KCNQ5: variants seen among roughly 807,000 people sequenced by gnomAD.
KCNQ5 encodes the protein potassium voltage-gated channel subfamily KQT member 5.
KCNQ5 carries 30 observed loss-of-function variants against 98.2 expected under a neutral mutation model. The ratio of observed to expected loss-of-function variants is 0.31; its 90% CI spans 0.23 to 0.41. The LOEUF is 0.41. Among genes scored for constraint, KCNQ5 ranks in the 10% least tolerant of loss-of-function variants. KCNQ5 has a pLI of 1.00. For synonymous variants in KCNQ5, 458 were observed against 449.4 expected (o/e 1.02, Z -0.24); for missense variants, 835 against 1,182.5 (o/e 0.71, Z 4.31).
intron 5 of KCNQ5, among the ~76,000 whole-genome samples, chr6:73,084,806 G>C (rs1187370507): frequency 6.6e-6 from 1 of 152,078 alleles, no homozygotes; most frequent in Non-Finnish European, 1.5e-5. Context: ...CCCTTTCTCC[G>C]ACCCTGAACC....
chr6:72,705,145 A>G (rs557422743), intron 1 of KCNQ5, among the ~76,000 whole-genome samples: 2 of 152,092 alleles, frequency 1.3e-5, no homozygotes, highest in Non-Finnish European at 2.9e-5. Context: ...CCCCTTAACC[A>G]CATAGGGAGG....
intron 3 of KCNQ5, among the ~76,000 whole-genome samples, chr6:73,053,283 C>T (rs1772325775): frequency 6.6e-6 from 1 of 152,156 alleles, no homozygotes; most frequent in Non-Finnish European, 1.5e-5. Flanking sequence ...ATTTAGATAA[C>T]CACACAATAA....
chr6:72,829,728 A>G (rs975470082), intron 1 of KCNQ5, among the ~76,000 whole-genome samples: 1 of 152,178 alleles, frequency 6.6e-6, no homozygotes, highest in African/African-American at 2.4e-5. Flanking sequence ...AATAACATTC[A>G]GGGAGGAGGT....
At chr6:72,827,813 T>C (rs1227698459) in intron 1 of KCNQ5, among the ~76,000 whole-genome samples, 2 of 152,138 alleles carry the variant, frequency 1.3e-5, no homozygotes, top group Non-Finnish European at 2.9e-5. Flanking sequence ...CAGTCCAATG[T>C]CCTGAACTGT....
intron 1 of KCNQ5, among the ~76,000 whole-genome samples, chr6:72,814,275 A>G (rs921082829): frequency 2.6e-5 from 4 of 152,296 alleles, no homozygotes; most frequent in East Asian, 1.9e-4. Context: ...CCGCAGTGCA[A>G]TGTAATGGCT....
In KCNQ5 at chr6:73,129,815, A is replaced by C. The variant is rs1776150557; in HGVS notation, c.1248-3606A>C. The C allele has an allele frequency of 2.5e-6, 4 of 1,613,170 alleles. No individual in the cohort carries two copies. In the Admixed American group the frequency reaches 5.0e-5, roughly 20 times the overall value. ...TAGTAAGTTCTGTAGTAATAAGCAG[A>C]AGCTCTTCAGAATGTACACCTCACG... On this transcript the variant is annotated intron_variant, in intron 9 of 13. Transcript: ENST00000370398.
intron 5 of KCNQ5, among the ~76,000 whole-genome samples, chr6:73,100,737 A>G (rs973638732): frequency 2.6e-5 from 4 of 152,116 alleles, no homozygotes; most frequent in Admixed American, 6.5e-5. Context: ...AAAAATGACA[A>G]ACTTAGCCAG....
chr6:72,758,365 T>C (rs1489563504), intron 1 of KCNQ5, among the ~76,000 whole-genome samples: 1 of 152,182 alleles, frequency 6.6e-6, no homozygotes, highest in Non-Finnish European at 1.5e-5. Context: ...GTTAGAACTA[T>C]TTTTTCTATT....
intron 1 of KCNQ5, among the ~76,000 whole-genome samples, chr6:72,935,332 A>G (rs1223692847): frequency 6.6e-6 from 1 of 151,972 alleles, no homozygotes; most frequent in African/African-American, 2.4e-5. Context: ...CAGCCTCCCA[A>G]AGTGCTGGGA....
chr6:72,920,912 AAAAT>A (rs1780364517), intron 1 of KCNQ5, among the ~76,000 whole-genome samples: 1 of 152,184 alleles, frequency 6.6e-6, no homozygotes, highest in Non-Finnish European at 1.5e-5. Context: ...ATTGGGAACA[AAAAT>A]TACCTTAAAT....
In KCNQ5 at chr6:72,658,588, T is replaced by A. The variant is rs1376112232; in HGVS notation, c.398+36001T>A. Among the ~76,000 whole-genome samples, 12 of 121,202 alleles carry A rather than the reference T, an allele frequency of 9.9e-5. No individual in the cohort carries two copies. The South Asian group carries it at 1.1e-3, about 11-fold the overall frequency. 79.5% of individuals were successfully genotyped at this position (121,202 alleles called of 152,430 possible). A position where few individuals can be genotyped will look rare whatever the true frequency, so the allele number is the denominator to read the frequency against. The stretch of plus-strand genomic sequence containing the variant: ...TATATATATATATATATTTTTTTTT[T>A]TTTTTTTTTTGAGACAGGGTCTTGC... On this transcript the variant is annotated intron_variant, in intron 1 of 13. Coordinates refer to ENST00000370398, the MANE Select transcript of KCNQ5 (RefSeq NM_019842.4).
At chr6:72,770,328 T>C (rs769540393) in intron 1 of KCNQ5, among the ~76,000 whole-genome samples, 2 of 152,142 alleles carry the variant, frequency 1.3e-5, no homozygotes, top group Non-Finnish European at 2.9e-5. Context: ...ACATCTCACA[T>C]ATTCTGCTTT....
chr6:73,029,359 T>A (rs1321247570), intron 2 of KCNQ5, among the ~76,000 whole-genome samples: 1 of 152,150 alleles, frequency 6.6e-6, no homozygotes, highest in Non-Finnish European at 1.5e-5. Flanking sequence ...GATTCAGCTG[T>A]CAGGATAATT....
chr6:73,145,884 G>A (rs1323751468), intron 10 of KCNQ5, among the ~76,000 whole-genome samples: 2 of 152,160 alleles, frequency 1.3e-5, no homozygotes, highest in African/African-American at 2.4e-5. Context: ...TCAGAAGAGC[G>A]AAAGGGAAGG....
intron 1 of KCNQ5, among the ~76,000 whole-genome samples, chr6:72,743,402 C>T (rs534242237): frequency 1.7e-4 from 26 of 152,002 alleles, no homozygotes; most frequent in African/African-American, 5.3e-4. Flanking sequence ...TAGATTTAAG[C>T]TAACATTACC....
chr6:72,746,230 A>G (rs1771399569), intron 1 of KCNQ5, among the ~76,000 whole-genome samples: 2 of 143,008 alleles, frequency 1.4e-5, no homozygotes, highest in African/African-American at 5.7e-5. Context: ...TCTGTGGGAT[A>G]CTTCCCCTCC....
At chr6:73,155,095 T>C (rs1414580688) in intron 10 of KCNQ5, among the ~76,000 whole-genome samples, 1 of 152,124 alleles carries the variant, frequency 6.6e-6, no homozygotes, top group African/African-American at 2.4e-5. Flanking sequence ...CCTTCAGAGG[T>C]GGTAGACTCT....
chr6:73,130,519 C>A (rs936352018), intron 9 of KCNQ5, among the ~76,000 whole-genome samples: 7 of 152,074 alleles, frequency 4.6e-5, no homozygotes, highest in African/African-American at 1.7e-4. Flanking sequence ...TTGTTGGTCT[C>A]TTGGGGATAA....
chr6:72,964,426 A>T (rs1301903318), intron 1 of KCNQ5, among the ~76,000 whole-genome samples: 6 of 152,190 alleles, frequency 3.9e-5, no homozygotes, highest in Admixed American at 6.5e-5. Flanking sequence ...AATTCTGTTT[A>T]TTTGTTGATT....
Sources: allele counts gnomAD v4.1 joint callset (sites outside exome capture counted in the v4.1 genomes callset), GRCh38; gene constraint gnomAD v4.1.1; transcripts MANE v1.5; gene names NCBI Gene and HGNC (gene_info 2026-07-23, HGNC 2026-07-21).